The following MUC15 variants were observed in gnomAD, a reference collection of about 807,000 sequenced individuals.
The protein encoded by MUC15 is mucin 15, cell surface associated, also known as mucin-15.
In MUC15, 23 loss-of-function variants were observed where a neutral mutation model predicts 24.0. The observed-to-expected ratio is 0.96, with a 90% CI of 0.69 to 1.36. MUC15 has a LOEUF of 1.36. Among genes scored for constraint, MUC15 ranks in the 40% most tolerant of loss-of-function variants. The pLI is 0.00. For missense variants in MUC15, 442 were observed against 428.2 expected (o/e 1.03, Z -0.29); for synonymous variants, 151 against 156.3 (o/e 0.97, Z 0.25).
chr11:26,563,370 A>G (rs1336653924), intron 3 of MUC15, 105 bp from the exon 4 acceptor site: 2 of 1,163,600 alleles, frequency 1.7e-6, no homozygotes, highest in Admixed American at 5.8e-5. Context: ...ACATTTTAAA[A>G]TTAGATAATG....
chr11:26,571,335 A>T (rs890881956), intron 1 of MUC15, among the ~76,000 whole-genome samples: 8 of 152,150 alleles, frequency 5.3e-5, no homozygotes, highest in Non-Finnish European at 1.5e-5. Flanking sequence ...TAATAAAAAA[A>T]GAGGCTTATA....
intron 3 of MUC15, among the ~76,000 whole-genome samples, chr11:26,564,609 T>A (rs924658072): frequency 1.7e-4 from 25 of 147,640 alleles, no homozygotes; most frequent in African/African-American, 5.9e-4. Context: ...ACATAATAAA[T>A]TGTTTGTGAT....
chr11:26,564,269 A>C (rs405550), intron 3 of MUC15, among the ~76,000 whole-genome samples: 112,463 of 151,216 alleles, frequency 0.74, 42,067 homozygotes, highest in Admixed American at 0.8. Flanking sequence ...ATATATTGAT[A>C]GTGGTATTAT....
chr11:26,564,728 C>CATATAT (rs1850474307), intron 3 of MUC15, among the ~76,000 whole-genome samples: 2 of 36,202 alleles, frequency 5.5e-5, no homozygotes, highest in African/African-American at 1.3e-4. Flanking sequence ...CACACACACA[C>CATATAT]ACACATATAT....
chr11:26,564,730 C>CATATATAT (rs1850477575), intron 3 of MUC15, among the ~76,000 whole-genome samples: 1 of 24,014 alleles, frequency 4.2e-5, no homozygotes, highest in Non-Finnish European at 7.9e-5. Flanking sequence ...CACACACACA[C>CATATATAT]ACATATATAT....
At chr11:26,566,434 A>G (rs1316097179) in intron 2 of MUC15, among the ~76,000 whole-genome samples, 1 of 151,888 alleles carries the variant, frequency 6.6e-6, no homozygotes, top group Non-Finnish European at 1.5e-5. Context: ...AGTCAGGAAT[A>G]CCCTTGAATA....
chr11:26,564,744 T>C (rs1325605205), intron 3 of MUC15, among the ~76,000 whole-genome samples: 30 of 43,184 alleles, frequency 6.9e-4, no homozygotes, highest in Admixed American at 1.8e-3. Context: ...TATATATATA[T>C]ATATATATAT....
chr11:26,565,809 A>G lies in MUC15; in HGVS notation c.131T>C (p.Leu44Pro). ...ILLISTLFYS[L>P]LSGSHGKENQ... is the part of the protein sequence containing the mutation. Reference sequence around the variant, plus strand: ...TTCTTTTCCATGGCTCCCCGATAGAAGTGAATAAAACAACGTTGAAATCAA... The same window carrying G: ...TTCTTTTCCATGGCTCCCCGATAGAGGTGAATAAAACAACGTTGAAATCAA... The change falls in exon 3 of 5, where the codon CTT becomes CCT. Residue 44 changes from leucine to proline, a missense_variant. Transcript: ENST00000529533. 4 of 1,612,180 alleles carry G rather than the reference A, an allele frequency of 2.5e-6. No individual in the cohort carries two copies. The highest frequency in any genetic ancestry group is 2.5e-6 in the Non-Finnish European group (3 of 1,178,774).
rs1184058496 is a variant in MUC15 at position 26,561,070 on chromosome 11, C to T, written c.1081G>A (p.Val361Ile). The change falls in exon 5 of 5, where the codon GTA (valine) becomes ATA (isoleucine). Residue 361 changes from valine to isoleucine, a missense_variant. Physicochemically the swap from Val to Ile is conservative, Grantham distance 29 (BLOSUM62 3). Coordinates refer to ENST00000529533, the MANE Select transcript of MUC15 (RefSeq NM_001135091.2). ...ACGCCTTTTTGCTGTTAGTTCTATA[C>T]AGAAGTACGAAGTGGAGGTATGTCA... ...MDDIPPLRTSV is the reference protein window; with the variant it reads ...MDDIPPLRTSI The T allele has an allele frequency of 6.2e-7, 1 of 1,609,738 alleles. No individual in the cohort carries two copies. Among genetic ancestry groups the T allele is most frequent in the East Asian group, 2.2e-5 (1 of 44,566 alleles).
chr11:26,563,064 T>C, intron 4 of MUC15, 52 bp downstream of exon 4: 1 of 1,588,904 alleles, frequency 6.3e-7, no homozygotes, highest in South Asian at 1.1e-5. Context: ...ATTGGCATCC[T>C]CATTTAATTA....
chr11:26,567,576 T>C (rs572653514), intron 1 of MUC15, among the ~76,000 whole-genome samples: 2 of 152,162 alleles, frequency 1.3e-5, no homozygotes, highest in South Asian at 4.1e-4. Flanking sequence ...ATATGTTAGT[T>C]ATCTTCAAAA....
chr11:26,566,929 A>G (rs568597761), intron 2 of MUC15, 123 bp downstream of exon 2: 1 of 859,374 alleles, frequency 1.2e-6, no homozygotes, highest in African/African-American at 1.8e-5. Context: ...CACTCTAAAC[A>G]AGATCTAGCC....
chr11:26,567,256 TCC>T (rs1590554211), intron 1 of MUC15, 117 bp from the exon 2 acceptor site: 32 of 623,454 alleles, frequency 5.1e-5, no homozygotes, highest in African/African-American at 1.5e-4. Context: ...GACTTTTTTT[TCC>T]TCAAGCAATA....
In MUC15 at chr11:26,565,503, T is replaced by A; in HGVS notation, c.437A>T (p.Lys146Ile). ...SPPLIHSFVS[K>I]VPWNAPIADE... The stretch of plus-strand genomic sequence containing the variant: ...TGCTATAGGTGCATTCCAAGGCACT[T>A]TAGAAACAAAGCTATGGATCAAGGG... Residue 146 changes from lysine (K) to isoleucine (I), a missense_variant, in exon 3 of 5, where the codon AAA becomes ATA. Physicochemically the swap from Lys to Ile is moderately radical, Grantham distance 102. Transcript: ENST00000529533. 1.9e-6 allele frequency: 3 copies of A among 1,613,316 alleles called. No homozygotes were observed. The highest frequency in any genetic ancestry group is 2.5e-6 in the Non-Finnish European group (3 of 1,179,496).
At position 26,565,682 on chromosome 11, in the gene MUC15, T is replaced by C. The variant is rs1850547629; in HGVS notation, c.258A>G (p.Lys86=). The C allele has an allele frequency of 1.2e-6, 2 of 1,613,260 alleles. No individual in the cohort carries two copies. Among genetic ancestry groups the C allele is most frequent in the Non-Finnish European group, 1.7e-6 (2 of 1,179,572 alleles). ...LESEANLNSD[K]ENITTSNLKA... is the part of the protein sequence containing the mutation. ...TGAGATTTGAGGTGGTTATATTTTC[T>C]TTATCTGAGTTTAAGTTTGCTTCAC... Residue 86 remains lysine, a synonymous_variant, in exon 3 of 5, where the codon AAA becomes AAG. Coordinates refer to ENST00000529533, the MANE Select transcript of MUC15 (RefSeq NM_001135091.2).
chr11:26,568,109 C>G (rs771319816), intron 1 of MUC15, among the ~76,000 whole-genome samples: 9 of 151,992 alleles, frequency 5.9e-5, no homozygotes, highest in Non-Finnish European at 1.0e-4. Context: ...ATATTTCATT[C>G]ACTTTTCTGT....
chr11:26,568,472 G>T (rs1850684864), intron 1 of MUC15, among the ~76,000 whole-genome samples: 1 of 150,410 alleles, frequency 6.6e-6, no homozygotes, highest in Non-Finnish European at 1.5e-5. Context: ...TCCTACCATA[G>T]TTTTTTTTTT....
chr11:26,570,351 ACC>A (rs1850773454), intron 1 of MUC15, among the ~76,000 whole-genome samples: 1 of 151,996 alleles, frequency 6.6e-6, no homozygotes, highest in Admixed American at 6.6e-5. Flanking sequence ...AGGGAAGCAA[ACC>A]CACATTCACT....
intron 3 of MUC15, among the ~76,000 whole-genome samples, chr11:26,564,830 A>C (rs1359330914): frequency 7.3e-6 from 1 of 137,212 alleles, no homozygotes; most frequent in Non-Finnish European, 1.5e-5. Flanking sequence ...AATTTCAGGT[A>C]GTCTTTTCAA....
Sources: allele counts gnomAD v4.1 joint callset (sites outside exome capture counted in the v4.1 genomes callset), GRCh38; gene constraint gnomAD v4.1.1; transcripts MANE v1.5; gene names NCBI Gene and HGNC (gene_info 2026-07-23, HGNC 2026-07-21).